The following TPD52 variants were observed in gnomAD, a reference collection of about 807,000 sequenced individuals.
TPD52 encodes the protein tumor protein D52.
A neutral mutation model predicts 31.3 loss-of-function variants in TPD52; 17 were observed. That is an observed-to-expected ratio of 0.54 (90% CI 0.37 to 0.82). The LOEUF (loss-of-function observed/expected upper bound fraction) is 0.82. TPD52 is among the 40% of genes least tolerant of loss of function. The pLI is 0.00. For synonymous variants in TPD52, 83 were observed against 89.6 expected, an observed-to-expected ratio of 0.93 and a Z score of 0.42; for missense variants, 212 against 240.1, an observed-to-expected ratio of 0.88 and a Z score of 0.77.
chr8:80,102,034 T>G (rs563342464), intron 1 of TPD52, among the ~76,000 whole-genome samples: 1 of 152,202 alleles, frequency 6.6e-6, no homozygotes, highest in African/African-American at 2.4e-5. Flanking sequence ...GCATTGGGAA[T>G]GAAGGAGTAC....
chr8:80,083,010 C>T (rs1478753027), intron 1 of TPD52, among the ~76,000 whole-genome samples: 1 of 152,072 alleles, frequency 6.6e-6, no homozygotes, highest in African/African-American at 2.4e-5. Flanking sequence ...ACATTCTAGC[C>T]TACAAGAAAA....
chr8:80,094,439 T>TATATATATAC (rs1333018666), intron 1 of TPD52, among the ~76,000 whole-genome samples: 7 of 23,238 alleles, frequency 3.0e-4, no homozygotes, highest in East Asian at 3.5e-3. Flanking sequence ...TTTATATATA[T>TATATATATAC]ATATATATAT....
At chr8:80,082,762 G>A (rs777020787) in intron 1 of TPD52, among the ~76,000 whole-genome samples, 3 of 152,196 alleles carry the variant, frequency 2.0e-5, no homozygotes, top group Non-Finnish European at 2.9e-5. Context: ...TCTCCAGGGC[G>A]CTCTACCGGA....
intron 1 of TPD52, among the ~76,000 whole-genome samples, chr8:80,099,081 C>T (rs1416112014): frequency 6.6e-6 from 1 of 152,066 alleles, no homozygotes; most frequent in Non-Finnish European, 1.5e-5. Context: ...AGACATAATG[C>T]CTATTGTGCA....
At chr8:80,043,229 C>T (rs766918846) in intron 6 of TPD52, among the ~76,000 whole-genome samples, 12 of 152,170 alleles carry the variant, frequency 7.9e-5, no homozygotes, top group South Asian at 6.2e-4. Flanking sequence ...CTTCACAACT[C>T]TGTCCCAAAG....
At chr8:80,116,860 A>G (rs1277425871) in intron 1 of TPD52, among the ~76,000 whole-genome samples, 1 of 152,208 alleles carries the variant, frequency 6.6e-6, no homozygotes, top group African/African-American at 2.4e-5. Flanking sequence ...CCAAAAATCA[A>G]TCAATGTAAT....
At chr8:80,164,154 A>C (rs1334685309) in intron 1 of TPD52, among the ~76,000 whole-genome samples, 3 of 152,054 alleles carry the variant, frequency 2.0e-5, no homozygotes, top group Non-Finnish European at 4.4e-5. Flanking sequence ...GTTGATTCTA[A>C]TGTTCGTTTG....
chr8:80,136,690 C>T (rs1038637649), intron 1 of TPD52, among the ~76,000 whole-genome samples: 1 of 151,914 alleles, frequency 6.6e-6, no homozygotes, highest in Non-Finnish European at 1.5e-5. Flanking sequence ...AGAATATATC[C>T]GAAGACATAC....
intron 5 of TPD52, among the ~76,000 whole-genome samples, chr8:80,049,995 G>A (rs1811205668): frequency 6.6e-6 from 1 of 152,080 alleles, no homozygotes; most frequent in Admixed American, 6.6e-5. Flanking sequence ...ACCAATAGAA[G>A]ATGGAAGACT....
intron 1 of TPD52, among the ~76,000 whole-genome samples, chr8:80,109,613 GC>G (rs1454532326): frequency 6.6e-6 from 1 of 152,186 alleles, no homozygotes; most frequent in African/African-American, 2.4e-5. Context: ...CACCATGTTG[GC>G]CAGGCTGGTC....
chr8:80,100,380 G>A (rs1806645310), intron 1 of TPD52, among the ~76,000 whole-genome samples: 1 of 152,210 alleles, frequency 6.6e-6, no homozygotes, highest in African/African-American at 2.4e-5. Context: ...GTACTCTGCT[G>A]CTTATGAACA....
chr8:80,155,604 C>G (rs570906023), intron 1 of TPD52, among the ~76,000 whole-genome samples: 2 of 152,224 alleles, frequency 1.3e-5, no homozygotes, highest in African/African-American at 4.8e-5. Flanking sequence ...ACGGAAAGGG[C>G]CAGGCGCGGT....
At position 80,037,997 on chromosome 8, in the gene TPD52, A is replaced by C. The variant is rs977607657; in HGVS notation, c.*119T>G. ...ACCCACAAACTATTTGGTCAAAGGA[A>C]TATGTAAAGCTAAATAAAAGCACAT... On this transcript the variant is annotated 3_prime_UTR_variant, in exon 8 of 8. Coordinates refer to ENST00000518937, the MANE Select transcript of TPD52 (RefSeq NM_001025253.3). The C allele has an allele frequency of 4.1e-5, 58 of 1,403,522 alleles. No homozygotes were observed. Among genetic ancestry groups the C allele is most frequent in the Non-Finnish European group, 5.4e-5 (56 of 1,031,926 alleles). 86.9% of individuals were successfully genotyped at this position (1,403,522 alleles called of 1,614,324 possible).
intron 1 of TPD52, among the ~76,000 whole-genome samples, chr8:80,164,089 GAGA>G (rs1485044848): frequency 2.0e-5 from 3 of 151,790 alleles, no homozygotes; most frequent in African/African-American, 7.3e-5. Flanking sequence ...GGGGAGGAGA[GAGA>G]AGGAGAAAAA....
chr8:80,166,963 A>C (rs1305407693), intron 1 of TPD52, among the ~76,000 whole-genome samples: 2 of 152,198 alleles, frequency 1.3e-5, no homozygotes, highest in Non-Finnish European at 2.9e-5. Flanking sequence ...ACAGGTATAA[A>C]TTAATATGCT....
At chr8:80,107,742 C>T (rs1807232461) in intron 1 of TPD52, among the ~76,000 whole-genome samples, 1 of 150,902 alleles carries the variant, frequency 6.6e-6, no homozygotes, top group Admixed American at 6.6e-5. Flanking sequence ...GAAACTGACC[C>T]AAATGTGTGT....
chr8:80,074,254 AC>A (rs1814259921), intron 1 of TPD52, among the ~76,000 whole-genome samples: 1 of 152,214 alleles, frequency 6.6e-6, no homozygotes, highest in African/African-American at 2.4e-5. Context: ...CCCTTTTTAA[AC>A]CTAGAGGCAT....
At chr8:80,144,524 C>T (rs1408050366) in intron 1 of TPD52, among the ~76,000 whole-genome samples, 2 of 152,240 alleles carry the variant, frequency 1.3e-5, no homozygotes, top group Non-Finnish European at 2.9e-5. Flanking sequence ...TCCATAGCAA[C>T]TGCAGCATGC....
intron 1 of TPD52, among the ~76,000 whole-genome samples, chr8:80,103,102 C>A (rs1806863684): frequency 6.6e-6 from 1 of 152,086 alleles, no homozygotes; most frequent in Non-Finnish European, 1.5e-5. Context: ...GGGTAAATAT[C>A]AGAAAAGTGT....
Sources: allele counts gnomAD v4.1 joint callset (sites outside exome capture counted in the v4.1 genomes callset), GRCh38; gene constraint gnomAD v4.1.1; transcripts MANE v1.5; gene names NCBI Gene and HGNC (gene_info 2026-07-23, HGNC 2026-07-21).